The following MACROD2 variants were observed in gnomAD, a reference collection of about 807,000 sequenced individuals.
MACROD2 encodes ADP-ribose glycohydrolase MACROD2.
Under a neutral mutation model 70.4 loss-of-function variants are expected in MACROD2, and 36 were observed. That is an observed-to-expected ratio of 0.51 (90% CI 0.39 to 0.68). MACROD2 has a LOEUF of 0.68. MACROD2 is among the 30% of genes least tolerant of loss of function. MACROD2 has a pLI of 0.00. For synonymous variants in MACROD2, 172 were observed against 178.8 expected (o/e 0.96, Z 0.30); for missense variants, 496 against 538.4 (o/e 0.92, Z 0.78).
At chr20:15,750,551 G>T (rs2051253276) in intron 8 of MACROD2, among the ~76,000 whole-genome samples, 1 of 142,250 alleles carries the variant, frequency 7.0e-6, no homozygotes, top group Non-Finnish European at 1.5e-5. Context: ...AGCTACACAG[G>T]AGGTTCCTCA....
At chr20:14,830,132 T>C (rs1215938199) in intron 5 of MACROD2, among the ~76,000 whole-genome samples, 1 of 152,088 alleles carries the variant, frequency 6.6e-6, no homozygotes, top group African/African-American at 2.4e-5. Context: ...CTCTTTGCTG[T>C]GTAAAATGTA....
intron 8 of MACROD2, among the ~76,000 whole-genome samples, chr20:15,576,827 T>G (rs916745788): frequency 6.6e-6 from 1 of 152,230 alleles, no homozygotes; most frequent in African/African-American, 2.4e-5. Flanking sequence ...CAAGTTATCT[T>G]TTGATTGGGA....
At chr20:14,425,028 A>G (rs963954279) in intron 3 of MACROD2, among the ~76,000 whole-genome samples, 3 of 152,240 alleles carry the variant, frequency 2.0e-5, no homozygotes, top group African/African-American at 7.2e-5. Context: ...ATCTTTGAAC[A>G]CGCAAAACAA....
chr20:14,540,898 C>T lies in MACROD2; in HGVS notation c.301+47390C>T, dbSNP rs868235776. Among the ~76,000 whole-genome samples the T allele has an allele frequency of 2.8e-4, 42 of 152,308 alleles. 1 individual carries two copies. The highest frequency in any genetic ancestry group is 3.4e-3 in the Middle Eastern group (1 of 294). On this transcript the variant is annotated intron_variant, in intron 4 of 17. Coordinates refer to ENST00000684519, the MANE Select transcript of MACROD2 (RefSeq NM_001351661.2). ...TTTATAATGAGCTCATGTTCTCATTCTTCATATAGATTCCATTTTTCTGTA... is the reference window on the plus strand; with the variant it reads ...TTTATAATGAGCTCATGTTCTCATTTTTCATATAGATTCCATTTTTCTGTA...
At chr20:15,265,528 T>C (rs998953571) in intron 6 of MACROD2, among the ~76,000 whole-genome samples, 10 of 152,018 alleles carry the variant, frequency 6.6e-5, no homozygotes, top group African/African-American at 2.4e-4. Flanking sequence ...ATGTGACTCA[T>C]TTTTTTTCGA....
intron 12 of MACROD2, among the ~76,000 whole-genome samples, chr20:15,961,676 A>G (rs2066064136): frequency 1.3e-5 from 2 of 152,230 alleles, no homozygotes; most frequent in East Asian, 3.8e-4. Flanking sequence ...TACAGTCACC[A>G]TGACCTTTCA....
At chr20:15,466,419 G>T (rs2046889254) in intron 7 of MACROD2, among the ~76,000 whole-genome samples, 1 of 152,152 alleles carries the variant, frequency 6.6e-6, no homozygotes. Context: ...GGCAAAGGCT[G>T]GTAAAAGAAC....
At chr20:15,487,606 T>C (rs2047178786) in intron 7 of MACROD2, among the ~76,000 whole-genome samples, 1 of 152,158 alleles carries the variant, frequency 6.6e-6, no homozygotes, top group Admixed American at 6.5e-5. Context: ...CACCCTTTTT[T>C]AGGCAGATTC....
chr20:14,507,113 G>C (rs370300287), intron 4 of MACROD2, among the ~76,000 whole-genome samples: 28 of 152,210 alleles, frequency 1.8e-4, no homozygotes, highest in African/African-American at 5.8e-4. Flanking sequence ...TAGACCAGTG[G>C]GGGTGAAGAA....
At chr20:15,466,513 G>A (rs6079845) in intron 7 of MACROD2, among the ~76,000 whole-genome samples, 80,835 of 152,006 alleles carry the variant, frequency 0.53, 23,081 homozygotes, top group East Asian at 0.84. Flanking sequence ...CAAAATGCCC[G>A]GAATTGTTAA....
chr20:14,902,060 A>G (rs2073900768), intron 5 of MACROD2, among the ~76,000 whole-genome samples: 1 of 152,220 alleles, frequency 6.6e-6, no homozygotes, highest in Non-Finnish European at 1.5e-5. Context: ...ACTGCAATAA[A>G]TGGAATAACT....
At chr20:15,928,590 C>G (rs1045015951) in intron 10 of MACROD2, among the ~76,000 whole-genome samples, 5 of 152,220 alleles carry the variant, frequency 3.3e-5, no homozygotes, top group Non-Finnish European at 7.3e-5. Context: ...ACGCCTGTGT[C>G]TCAGTTGTCT....
intron 7 of MACROD2, among the ~76,000 whole-genome samples, chr20:15,488,995 C>T (rs769036057): frequency 2.0e-5 from 3 of 152,112 alleles, no homozygotes; most frequent in Non-Finnish European, 2.9e-5. Context: ...CACTGGAGCT[C>T]ATAAGTTTGA....
At chr20:14,918,975 A>G (rs1044031532) in intron 5 of MACROD2, among the ~76,000 whole-genome samples, 3 of 152,176 alleles carry the variant, frequency 2.0e-5, no homozygotes, top group Non-Finnish European at 4.4e-5. Context: ...GGGAAGAAGA[A>G]TTAAACTGAA....
At chr20:14,099,698 A>G (rs772269315) in intron 3 of MACROD2, among the ~76,000 whole-genome samples, 29 of 152,160 alleles carry the variant, frequency 1.9e-4, no homozygotes, top group Non-Finnish European at 4.0e-4. Context: ...TTGGATCTAT[A>G]TCTGGGATAT....
At chr20:14,306,108 G>T (rs138848410) in intron 3 of MACROD2, among the ~76,000 whole-genome samples, 22 of 152,126 alleles carry the variant, frequency 1.4e-4, no homozygotes, top group Admixed American at 1.2e-3. Flanking sequence ...CAGCAAAAGT[G>T]CTCTGAAGTC....
intron 5 of MACROD2, among the ~76,000 whole-genome samples, chr20:14,688,945 T>A (rs1451125115): frequency 1.3e-5 from 2 of 152,218 alleles, no homozygotes; most frequent in African/African-American, 4.8e-5. Context: ...TACTTTTCCT[T>A]CCGCAATTAT....
intron 15 of MACROD2, among the ~76,000 whole-genome samples, chr20:16,022,212 G>A (rs1021714064): frequency 2.0e-5 from 3 of 151,892 alleles, no homozygotes; most frequent in Non-Finnish European, 2.9e-5. Flanking sequence ...TACCATACCC[G>A]GCTAAGTTTT....
At position 15,774,909 on chromosome 20, in the gene MACROD2, T is replaced by C. The variant is rs578067962; in HGVS notation, c.646-87836T>C. Among the ~76,000 whole-genome samples the C allele has an allele frequency of 3.9e-5, 6 of 152,244 alleles. No homozygotes were observed. The East Asian group carries it at 7.7e-4, about 20-fold the overall frequency. ...GATCCTCTTCTCACACCCATTTAAA[T>C]TGGTTTGTGCTCCTAGCTCCTGTGC... On this transcript the variant is annotated intron_variant, in intron 8 of 17. Transcript: ENST00000684519.
Sources: allele counts gnomAD v4.1 joint callset (sites outside exome capture counted in the v4.1 genomes callset), GRCh38; gene constraint gnomAD v4.1.1; transcripts MANE v1.5; gene names NCBI Gene and HGNC (gene_info 2026-07-23, HGNC 2026-07-21).